AFF2: variants seen among roughly 807,000 people sequenced by gnomAD.
The protein encoded by AFF2 is AF4/FMR2 family member 2.
In AFF2, 14 loss-of-function variants were observed where a neutral mutation model predicts 76.9. That is an observed-to-expected ratio of 0.18 (90% CI 0.12 to 0.28). The LOEUF is 0.28. AFF2 is among the 10% of genes least tolerant of loss of function. The pLI is 1.00. For synonymous variants in AFF2, 398 were observed against 366.7 expected, an observed-to-expected ratio of 1.09 and a Z score of -0.98; for missense variants, 868 against 1,001.1, an observed-to-expected ratio of 0.87 and a Z score of 1.79.
chrX:148,521,804 C>T (rs2052602995), intron 1 of AFF2, among the ~76,000 whole-genome samples: 1 of 111,677 alleles, frequency 9.0e-6, no homozygotes, highest in Non-Finnish European at 1.9e-5. Context: ...AAAAGGAAGA[C>T]ATAAGTCAAA....
At chrX:148,969,381 C>A (rs1474206154) in intron 15 of AFF2, among the ~76,000 whole-genome samples, 1 of 112,307 alleles carries the variant, frequency 8.9e-6, no homozygotes, top group African/African-American at 3.2e-5. Flanking sequence ...ATTAAAATTT[C>A]ATTGGGGGTA....
At chrX:148,975,043 A>C (rs2072304356) in intron 16 of AFF2, among the ~76,000 whole-genome samples, 1 of 112,065 alleles carries the variant, frequency 8.9e-6, no homozygotes. Flanking sequence ...TTAACAAGAA[A>C]ACGTAACAAT....
chrX:148,595,743 G>A (rs2053565435), intron 1 of AFF2, among the ~76,000 whole-genome samples: 1 of 111,798 alleles, frequency 8.9e-6, no homozygotes, highest in Non-Finnish European at 1.9e-5. Flanking sequence ...AACTTTTGAC[G>A]TAAATATGTT....
intron 3 of AFF2, among the ~76,000 whole-genome samples, chrX:148,708,282 A>G (rs1432640123): frequency 8.9e-6 from 1 of 112,131 alleles, no homozygotes; most frequent in Non-Finnish European, 1.9e-5. Context: ...AAGTTATGTC[A>G]TGGAATAAAA....
chrX:148,744,657 T>C (rs1256665404), intron 3 of AFF2, among the ~76,000 whole-genome samples: 2 of 112,077 alleles, frequency 1.8e-5, no homozygotes, highest in African/African-American at 6.5e-5. Flanking sequence ...TCATCCATCA[T>C]TGGTGACAGT....
chrX:148,938,423 C>T (rs2071796995), intron 9 of AFF2, among the ~76,000 whole-genome samples: 1 of 112,197 alleles, frequency 8.9e-6, no homozygotes, highest in African/African-American at 3.2e-5. Flanking sequence ...ACTTATATTA[C>T]ATTCTCCATA....
At chrX:148,661,820 CTTAGGGCA>C (rs2054308143) in intron 2 of AFF2, 80 bp from the exon 3 acceptor site, 2 of 936,166 alleles carry the variant, frequency 2.1e-6, no homozygotes, top group Admixed American at 6.0e-5. Context: ...TGATAGTCTA[CTTAGGGCA>C]TCTGTTTGAA....
chrX:148,934,788 A>T (rs1372955943), intron 9 of AFF2, among the ~76,000 whole-genome samples: 1 of 107,911 alleles, frequency 9.3e-6, no homozygotes, highest in African/African-American at 3.6e-5. Context: ...AGTATGTCTC[A>T]TAAAAGTAGC....
intron 3 of AFF2, among the ~76,000 whole-genome samples, chrX:148,774,430 T>C (rs2069642714): frequency 9.0e-6 from 1 of 111,451 alleles, no homozygotes; most frequent in Non-Finnish European, 1.9e-5. Context: ...TAACACCCTA[T>C]AGATTCATAC....
intron 8 of AFF2, among the ~76,000 whole-genome samples, chrX:148,889,564 T>C (rs1002060163): frequency 1.8e-5 from 2 of 112,283 alleles, no homozygotes; most frequent in Non-Finnish European, 3.8e-5. Flanking sequence ...ATGGCTTCAA[T>C]GAAGACACGA....
rs2054318948 is a variant in AFF2, at chrX:148,662,566, T to C, written c.839T>C (p.Met280Thr). The change falls in exon 3 of 21, where the codon ATG becomes ACG. Residue 280 changes from methionine to threonine, a missense_variant. By Grantham distance (81) the Met-to-Thr change is moderately conservative (BLOSUM62 -1). Coordinates refer to ENST00000370460, the MANE Select transcript of AFF2 (RefSeq NM_002025.4). ...CCAGGGCTTTACTGCAAAACAAGCA[T>C]GGGGCAGCAAAAGCCAACTGCATAC... ...FPPGLYCKTS[M>T]GQQKPTAYVR... 8.3e-7 allele frequency: 1 copy of C among 1,209,569 alleles called. No homozygotes were observed. Among genetic ancestry groups the C allele is most frequent in the African/African-American group, 1.8e-5 (1 of 56,967 alleles).
intron 7 of AFF2, among the ~76,000 whole-genome samples, chrX:148,847,579 T>C (rs868949403): frequency 2.4e-4 from 27 of 111,940 alleles, no homozygotes; most frequent in Middle Eastern, 9.2e-3. Context: ...GTATTAACTA[T>C]ATGTTTTAAA....
chrX:148,832,183 G>A (rs1557273400), intron 4 of AFF2, among the ~76,000 whole-genome samples: 1 of 111,614 alleles, frequency 9.0e-6, no homozygotes, highest in Non-Finnish European at 1.9e-5. Context: ...ACTGAAGGAA[G>A]GAAGGAGGGA....
In AFF2 at chrX:148,500,694, G is replaced by GCCGCC. The variant is rs2052334024; in HGVS notation, c.-404_-403insCCGCC. ...CCGCCGCCGCCGCCGCTGCCGCCCC[G>GCCGCC]GCTGCCGCGCCGCGCCGCTGCCTCT... is the stretch of plus-strand genomic sequence containing the variant. On this transcript the variant is annotated 5_prime_UTR_variant, in exon 1 of 21. Transcript: ENST00000370460. The GCCGCC allele has an allele frequency of 3.9e-5, 2 of 51,091 alleles. No homozygotes were observed. The highest frequency in any genetic ancestry group is 2.5e-4 in the Admixed American group (1 of 3,982). The allele number at this position is 51,091 out of a possible 1,213,427, so 4.2% of individuals were successfully genotyped here.
chrX:148,686,687 T>C lies in AFF2; in HGVS notation c.1041+23919T>C, dbSNP rs781794532. Among the ~76,000 whole-genome samples the C allele has an allele frequency of 1.1e-4, 12 of 111,165 alleles. No individual in the cohort carries two copies. In the South Asian group the frequency reaches 2.3e-3, roughly 21 times the overall value. ...ACACACAGTAGGCCCTCCAGAAGGTTTTGATTTCTTCCTCTTTCCTGGAAG... is the reference window on the plus strand; with the variant it reads ...ACACACAGTAGGCCCTCCAGAAGGTCTTGATTTCTTCCTCTTTCCTGGAAG... On this transcript the variant is annotated intron_variant, in intron 3 of 20. Transcript: ENST00000370460.
At chrX:148,875,633 A>G (rs1431613575) in intron 7 of AFF2, among the ~76,000 whole-genome samples, 6 of 111,853 alleles carry the variant, frequency 5.4e-5, no homozygotes, top group African/African-American at 1.6e-4. Flanking sequence ...CCTTCCATAC[A>G]TACTAAAATA....
At chrX:148,918,338 T>C (rs73614003) in intron 9 of AFF2, among the ~76,000 whole-genome samples, 5,289 of 112,086 alleles carry the variant, frequency 0.047, 308 homozygotes, top group African/African-American at 0.16. Context: ...CGCGGTAGTT[T>C]TTATTTCAAA....
chrX:148,795,963 A>T (rs2069976704), intron 3 of AFF2, among the ~76,000 whole-genome samples: 1 of 96,361 alleles, frequency 1.0e-5, no homozygotes. Flanking sequence ...AGAGCTTTTC[A>T]GGTAACCAAT....
intron 3 of AFF2, among the ~76,000 whole-genome samples, chrX:148,736,248 T>C (rs1557265075): frequency 8.9e-6 from 1 of 112,038 alleles, no homozygotes; most frequent in African/African-American, 3.2e-5. Context: ...TGTAGAAGTG[T>C]TCCCTGGTCA....
Sources: allele counts gnomAD v4.1 joint callset (sites outside exome capture counted in the v4.1 genomes callset), GRCh38; gene constraint gnomAD v4.1.1; transcripts MANE v1.5; gene names NCBI Gene and HGNC (gene_info 2026-07-23, HGNC 2026-07-21).